The following SHROOM3 variants were observed in gnomAD, a reference collection of about 807,000 sequenced individuals.
SHROOM3 encodes the protein shroom family member 3, also known as protein Shroom3.
SHROOM3 carries 47 observed loss-of-function variants against 138.6 expected under a neutral mutation model. The ratio of observed to expected loss-of-function variants is 0.34; its 90% CI spans 0.27 to 0.43. SHROOM3 has a LOEUF of 0.43. Ranked by LOEUF, SHROOM3 falls within the 20% of genes least tolerant of loss-of-function variation. The pLI, the probability that SHROOM3 is intolerant of heterozygous loss-of-function variation, is 1.00. For synonymous variants in SHROOM3, 1,062 were observed against 1,063.3 expected (o/e 1.00, Z 0.02); for missense variants, 2,491 against 2,596.5 (o/e 0.96, Z 0.88).
intron 3 of SHROOM3, among the ~76,000 whole-genome samples, chr4:76,721,666 A>G (rs1008494714): frequency 3.3e-5 from 5 of 152,234 alleles, no homozygotes; most frequent in Admixed American, 6.5e-5. Context: ...GTGAGCCACC[A>G]TGCCCAGCTG....
chr4:76,516,274 A>G (rs987502029), intron 1 of SHROOM3, among the ~76,000 whole-genome samples: 1 of 152,130 alleles, frequency 6.6e-6, no homozygotes, highest in African/African-American at 2.4e-5. Context: ...GTCAATTGCA[A>G]TATCTTTGTA....
intron 4 of SHROOM3, among the ~76,000 whole-genome samples, chr4:76,736,557 C>T (rs1321466359): frequency 1.3e-5 from 2 of 152,160 alleles, no homozygotes; most frequent in African/African-American, 4.8e-5. Context: ...TAAGACACTA[C>T]ATTTATTTAC....
At chr4:76,466,110 A>C (rs1253003995) in intron 1 of SHROOM3, among the ~76,000 whole-genome samples, 2 of 152,150 alleles carry the variant, frequency 1.3e-5, no homozygotes, top group Non-Finnish European at 2.9e-5. Flanking sequence ...ATGTGTCAAA[A>C]ATGAAAAATG....
At chr4:76,559,872 T>C (rs1733563912) in intron 2 of SHROOM3, among the ~76,000 whole-genome samples, 1 of 152,210 alleles carries the variant, frequency 6.6e-6, no homozygotes, top group Non-Finnish European at 1.5e-5. Flanking sequence ...TTTAGCCCTC[T>C]CTGGGAGGAG....
rs1288377104 is a variant in SHROOM3, at chr4:76,715,977, G to A, written c.455+5690G>A. On this transcript the variant is annotated intron_variant, in intron 3 of 10. Transcript: ENST00000296043. ...TGTTTAGCAGAGAAGATCATTTAAG[G>A]AGACTTCCTGATTTCAGTTTGATGC... 9 of 188,688 alleles carry A rather than the reference G, an allele frequency of 4.8e-5. No homozygotes were observed. The East Asian group carries it at 1.0e-3, about 21-fold the overall frequency. The allele number at this position is 188,688 out of a possible 1,614,324, so 11.7% of individuals were successfully genotyped here. A position where few individuals can be genotyped will look rare whatever the true frequency, so the allele number is the denominator to read the frequency against.
rs149720665 is a variant in SHROOM3 at position 76,718,028 on chromosome 4, A to G, written c.455+7741A>G. Among the ~76,000 whole-genome samples the G allele has an allele frequency of 1.9e-4, 29 of 152,286 alleles. No homozygotes were observed. In the East Asian group the frequency reaches 5.6e-3, roughly 29 times the overall value. On this transcript the variant is annotated intron_variant, in intron 3 of 10. Transcript: ENST00000296043. ...TGCCTTTACTTAAAATAGGACATGG[A>G]AAAAAACAGGTGGATGCAACAGTCG...
At chr4:76,758,841 G>T (rs753437753) in intron 8 of SHROOM3, among the ~76,000 whole-genome samples, 12 of 152,142 alleles carry the variant, frequency 7.9e-5, no homozygotes, top group Non-Finnish European at 1.2e-4. Flanking sequence ...TATTCAGTGG[G>T]TAGGATATGA....
chr4:76,510,345 A>G (rs1732308494), intron 1 of SHROOM3, among the ~76,000 whole-genome samples: 1 of 152,230 alleles, frequency 6.6e-6, no homozygotes, highest in Non-Finnish European at 1.5e-5. Context: ...AATCAGTAAT[A>G]AAAAATGGGG....
At chr4:76,696,976 G>C (rs1257248606) in intron 2 of SHROOM3, among the ~76,000 whole-genome samples, 4 of 152,058 alleles carry the variant, frequency 2.6e-5, no homozygotes, top group African/African-American at 9.7e-5. Context: ...GGGTGCAGTG[G>C]TGCAATCATA....
chr4:76,509,529 TC>T (rs1480908742), intron 1 of SHROOM3: 1 of 152,332 alleles, frequency 6.6e-6, no homozygotes, highest in Non-Finnish European at 1.5e-5. Flanking sequence ...AACTTCATTT[TC>T]TTGATCATCT....
rs1721212181 is a variant in SHROOM3 at position 76,740,523 on chromosome 4, A to G, written c.2350A>G (p.Lys784Glu). The G allele has an allele frequency of 6.2e-7, 1 of 1,613,952 alleles. No homozygotes were observed. The highest frequency in any genetic ancestry group is 1.3e-5 in the African/African-American group (1 of 75,034). ...YGKPHCSVLE[K>E]VSKFEQREQG... ...GAAGCCCCACTGCTCGGTGCTGGAG[A>G]AGGTCTCCAAATTCGAGCAGCGAGA... Residue 784 changes from lysine to glutamate, a missense_variant, in exon 5 of 11, where the codon AAG becomes GAG. Physicochemically the swap from Lys to Glu is moderately conservative, Grantham distance 56 (BLOSUM62 1). Coordinates refer to ENST00000296043, the MANE Select transcript of SHROOM3 (RefSeq NM_020859.4). This position sits in a 1 kb window ranked among gnomAD's most constrained non-coding sequence, Gnocchi z 4.0.
At chr4:76,771,580 G>A in intron 10 of SHROOM3, among the ~76,000 whole-genome samples, 1 of 152,194 alleles carries the variant, frequency 6.6e-6, no homozygotes, top group East Asian at 1.9e-4. Context: ...AGGGGCCACA[G>A]GCACTCAGTG....
At chr4:76,646,008 T>C (rs1735805370) in intron 2 of SHROOM3, among the ~76,000 whole-genome samples, 1 of 151,872 alleles carries the variant, frequency 6.6e-6, no homozygotes, top group Admixed American at 6.6e-5. Context: ...CTAGCTTCCA[T>C]CTGAACACAG....
At chr4:76,622,940 G>T (rs1454445560) in intron 2 of SHROOM3, among the ~76,000 whole-genome samples, 1 of 152,122 alleles carries the variant, frequency 6.6e-6, no homozygotes, top group Non-Finnish European at 1.5e-5. Context: ...TCCAACTTTT[G>T]AGTTATCTGG....
At chr4:76,638,028 A>G (rs539857526) in intron 2 of SHROOM3, among the ~76,000 whole-genome samples, 315 of 152,314 alleles carry the variant, frequency 2.1e-3, no homozygotes, top group Non-Finnish European at 2.3e-3. Context: ...TGGGGTGACT[A>G]TGAGCTGGAC....
chr4:76,471,440 C>T (rs1474093907), intron 1 of SHROOM3, among the ~76,000 whole-genome samples: 1 of 152,084 alleles, frequency 6.6e-6, no homozygotes. Flanking sequence ...GATGGGTTTT[C>T]ACCATGTTAG....
At chr4:76,717,214 T>TTACACCTGA (rs1480387185) in intron 3 of SHROOM3, among the ~76,000 whole-genome samples, 1 of 152,222 alleles carries the variant, frequency 6.6e-6, no homozygotes, top group Non-Finnish European at 1.5e-5. Flanking sequence ...GTAATTCTCA[T>TTACACCTGA]CTTTGCTCCC....
intron 1 of SHROOM3, among the ~76,000 whole-genome samples, chr4:76,444,466 C>T (rs1371976308): frequency 7.0e-6 from 1 of 142,166 alleles, no homozygotes; most frequent in East Asian, 2.2e-4. Flanking sequence ...TTTCCAGTTT[C>T]CTCATCTCTC....
At chr4:76,567,123 T>A (rs1000290152) in intron 2 of SHROOM3, among the ~76,000 whole-genome samples, 12 of 152,206 alleles carry the variant, frequency 7.9e-5, no homozygotes, top group African/African-American at 2.4e-4. Flanking sequence ...GCTTAGTGGG[T>A]GGGATGTGTA....
Sources: allele counts gnomAD v4.1 joint callset (sites outside exome capture counted in the v4.1 genomes callset), GRCh38; gene constraint gnomAD v4.1.1; non-coding constraint Gnocchi (gnomAD v3.1); transcripts MANE v1.5; gene names NCBI Gene and HGNC (gene_info 2026-07-23, HGNC 2026-07-21).